Variants in NTM observed in about 807,000 individuals in gnomAD.
NTM encodes the protein neurotrimin.
NTM carries 13 observed loss-of-function variants against 42.1 expected under a neutral mutation model. That is an observed-to-expected ratio of 0.31 (90% CI 0.20 to 0.49). NTM has a LOEUF of 0.49. Ranked by LOEUF, NTM falls within the 20% of genes least tolerant of loss-of-function variation. The probability of loss-of-function intolerance (pLI) is 0.99; values close to 1 mark genes in which losing one functional copy is unlikely to be tolerated. For missense variants in NTM, 373 were observed against 452.8 expected, an observed-to-expected ratio of 0.82 and a Z score of 1.60; for synonymous variants, 187 against 179.2, an observed-to-expected ratio of 1.04 and a Z score of -0.35.
intron 1 of NTM, among the ~76,000 whole-genome samples, chr11:131,801,352 G>T (rs1318385502): frequency 6.6e-6 from 1 of 152,162 alleles, no homozygotes; most frequent in Non-Finnish European, 1.5e-5. Flanking sequence ...GAGATGTCCA[G>T]GTCATCCCTG....
chr11:131,785,332 A>G (rs1329223428), intron 1 of NTM, among the ~76,000 whole-genome samples: 1 of 152,226 alleles, frequency 6.6e-6, no homozygotes, highest in East Asian at 1.9e-4. Flanking sequence ...TGAAGACGAT[A>G]TGAATTTTAA....
At chr11:131,911,424 G>T in intron 1 of NTM, 140 bp from the exon 2 acceptor site, 7 of 1,608,198 alleles carry the variant, frequency 4.4e-6, no homozygotes, top group South Asian at 1.1e-5. Context: ...TCCTGTGCTC[G>T]CCCGGGGGGC....
At chr11:131,737,575 T>G (rs986939177) in intron 1 of NTM, among the ~76,000 whole-genome samples, 10 of 152,210 alleles carry the variant, frequency 6.6e-5, no homozygotes, top group African/African-American at 2.2e-4. Flanking sequence ...CAAACATCAT[T>G]TTACTTCCTC....
intron 1 of NTM, among the ~76,000 whole-genome samples, chr11:131,699,131 T>C (rs1196659664): frequency 6.6e-6 from 1 of 152,168 alleles, no homozygotes; most frequent in Non-Finnish European, 1.5e-5. Context: ...ACTAAAGAAG[T>C]AATTAAACTC....
At chr11:132,240,999 G>A (rs955908541) in intron 4 of NTM, among the ~76,000 whole-genome samples, 3 of 152,132 alleles carry the variant, frequency 2.0e-5, no homozygotes, top group Non-Finnish European at 2.9e-5. Flanking sequence ...CAGTCAAAAC[G>A]CAGCCAAAAC....
chr11:131,859,010 A>C (rs1442956614), intron 1 of NTM, among the ~76,000 whole-genome samples: 1 of 152,146 alleles, frequency 6.6e-6, no homozygotes, highest in Non-Finnish European at 1.5e-5. Flanking sequence ...AGCCAGTCAG[A>C]GTTTTGCCGC....
intron 1 of NTM, among the ~76,000 whole-genome samples, chr11:131,666,465 C>A (rs144707309): frequency 1.3e-5 from 2 of 152,132 alleles, no homozygotes; most frequent in South Asian, 2.1e-4. Context: ...CAAGGCGTTG[C>A]GAGGGCAGGA....
intron 1 of NTM, among the ~76,000 whole-genome samples, chr11:131,750,774 G>A (rs1394283115): frequency 5.3e-5 from 8 of 152,318 alleles, no homozygotes; most frequent in African/African-American, 1.7e-4. Context: ...GCCTGAATGA[G>A]CCTGTGCTTC....
At chr11:131,803,779 C>A (rs909901249) in intron 1 of NTM, among the ~76,000 whole-genome samples, 68 of 152,186 alleles carry the variant, frequency 4.5e-4, no homozygotes, top group Non-Finnish European at 8.1e-4. Context: ...CTGGCCTCTG[C>A]CCCTTGTGGG....
chr11:131,938,643 G>C (rs1435288885), intron 2 of NTM, among the ~76,000 whole-genome samples: 1 of 152,212 alleles, frequency 6.6e-6, no homozygotes, highest in East Asian at 1.9e-4. Context: ...TGATGCAAAA[G>C]GTGGGTGGGG....
At chr11:132,270,814 T>A (rs2093441785) in intron 4 of NTM, among the ~76,000 whole-genome samples, 1 of 152,112 alleles carries the variant, frequency 6.6e-6, no homozygotes, top group South Asian at 2.1e-4. Flanking sequence ...TCTTTGGAAT[T>A]GTGCTTTGTG....
chr11:131,456,814 G>T (rs1206380704), intron 1 of NTM, among the ~76,000 whole-genome samples: 1 of 151,944 alleles, frequency 6.6e-6, no homozygotes, highest in African/African-American at 2.4e-5. Flanking sequence ...TCTCTTATAT[G>T]GACGGATCTC....
chr11:132,070,429 T>A (rs1275717944), intron 2 of NTM, among the ~76,000 whole-genome samples: 1 of 133,110 alleles, frequency 7.5e-6, no homozygotes, highest in Non-Finnish European at 1.6e-5. Context: ...CCGTCACAGG[T>A]TAGTTAACAC....
chr11:131,566,993 T>A (rs2056955105), intron 1 of NTM, among the ~76,000 whole-genome samples: 1 of 151,928 alleles, frequency 6.6e-6, no homozygotes, highest in Admixed American at 6.6e-5. Context: ...GAAAAATCTC[T>A]CAGCTGGAAT....
At chr11:131,593,950 A>G (rs531169825) in intron 1 of NTM, among the ~76,000 whole-genome samples, 1 of 152,196 alleles carries the variant, frequency 6.6e-6, no homozygotes, top group South Asian at 2.1e-4. Context: ...GATCTTTTAC[A>G]TGGATTTGTT....
chr11:131,940,050 A>G (rs1397320172), intron 2 of NTM, among the ~76,000 whole-genome samples: 1 of 152,214 alleles, frequency 6.6e-6, no homozygotes, highest in Non-Finnish European at 1.5e-5. Flanking sequence ...AGGAAAAGAA[A>G]CCTATTTGAA....
intron 1 of NTM, among the ~76,000 whole-genome samples, chr11:131,431,637 C>T (rs906472272): frequency 1.3e-5 from 2 of 152,196 alleles, no homozygotes; most frequent in African/African-American, 4.8e-5. Context: ...CCCAACATCA[C>T]TCATGATTGC....
intron 4 of NTM, among the ~76,000 whole-genome samples, chr11:132,283,134 G>A (rs191525147): frequency 2.0e-3 from 296 of 151,686 alleles, no homozygotes; most frequent in Non-Finnish European, 3.4e-3. Flanking sequence ...CTACAGGCAC[G>A]TGCCACCATG....
At chr11:131,888,910 T>TA (rs1162625653) in intron 1 of NTM, among the ~76,000 whole-genome samples, 1 of 108,584 alleles carries the variant, frequency 9.2e-6, no homozygotes, top group Non-Finnish European at 1.8e-5. Flanking sequence ...TCCTCTTTAT[T>TA]TTTTTTTTTT....
Sources: allele counts gnomAD v4.1 joint callset (sites outside exome capture counted in the v4.1 genomes callset), GRCh38; gene constraint gnomAD v4.1.1; transcripts MANE v1.5; gene names NCBI Gene and HGNC (gene_info 2026-07-23, HGNC 2026-07-21).